The following CDYL variants were observed in gnomAD, a reference collection of about 807,000 sequenced individuals.
The protein encoded by CDYL is chromodomain Y like.
In CDYL, 8 loss-of-function variants were observed where a neutral mutation model predicts 47.3. The observed-to-expected ratio is 0.17, with a 90% CI of 0.10 to 0.31. The LOEUF (loss-of-function observed/expected upper bound fraction) is 0.31. CDYL is among the 10% of genes least tolerant of loss of function. The pLI, the probability that CDYL is intolerant of heterozygous loss-of-function variation, is 1.00. For missense variants in CDYL, 471 were observed against 701.4 expected (o/e 0.67, Z 3.71); for synonymous variants, 266 against 265.0 (o/e 1.00, Z -0.04).
intron 1 of CDYL, among the ~76,000 whole-genome samples, chr6:4,851,073 TTGGG>T (rs1015161132): frequency 1.3e-5 from 2 of 152,154 alleles, no homozygotes; most frequent in Non-Finnish European, 2.9e-5. Context: ...GGGCGCTCAC[TTGGG>T]TGGGCATAGT....
At chr6:4,926,329 A>C (rs967647759) in intron 2 of CDYL, among the ~76,000 whole-genome samples, 27 of 152,178 alleles carry the variant, frequency 1.8e-4, no homozygotes, top group African/African-American at 6.5e-4. Context: ...AAATAACAAT[A>C]TTTTGAAATA....
At chr6:4,890,922 A>G (rs566790409) in intron 1 of CDYL, among the ~76,000 whole-genome samples, 5 of 152,226 alleles carry the variant, frequency 3.3e-5, no homozygotes, top group Non-Finnish European at 5.9e-5. Flanking sequence ...ACTGTGTCAC[A>G]TAACTCTCGT....
chr6:4,890,648 G>A (rs918311525), intron 1 of CDYL, among the ~76,000 whole-genome samples: 8 of 152,180 alleles, frequency 5.3e-5, no homozygotes, highest in African/African-American at 1.9e-4. Flanking sequence ...TACTCATTAG[G>A]CTCGAGTATT....
chr6:4,747,132 C>T (rs1306711186), intron 3 of CDYL, among the ~76,000 whole-genome samples: 4 of 151,978 alleles, frequency 2.6e-5, no homozygotes, highest in African/African-American at 7.3e-5. Context: ...CATGGTGAAA[C>T]CCTGTCTCTA....
chr6:4,805,355 C>T (rs1041844865), intron 1 of CDYL, among the ~76,000 whole-genome samples: 1 of 152,160 alleles, frequency 6.6e-6, no homozygotes, highest in Non-Finnish European at 1.5e-5. Flanking sequence ...AATGTTAGAA[C>T]TCGAATCAGG....
chr6:4,835,135 A>C (rs1353733471), intron 1 of CDYL, among the ~76,000 whole-genome samples: 1 of 152,096 alleles, frequency 6.6e-6, no homozygotes, highest in Admixed American at 6.5e-5. Context: ...CCTTTGGAGG[A>C]GGAGAGGTGC....
intron 6 of CDYL, among the ~76,000 whole-genome samples, chr6:4,952,944 T>C (rs1758753406): frequency 1.3e-5 from 2 of 151,986 alleles, no homozygotes; most frequent in Admixed American, 1.3e-4. Context: ...ATTTTTGTAT[T>C]TTCAGTAGAC....
At chr6:4,837,361 TA>T (rs1165280822) in intron 1 of CDYL, among the ~76,000 whole-genome samples, 1 of 152,226 alleles carries the variant, frequency 6.6e-6, no homozygotes, top group Admixed American at 6.5e-5. Context: ...GTAGTTTTAT[TA>T]AAAAAATTTT....
chr6:4,926,016 C>T (rs1384544708), intron 2 of CDYL, among the ~76,000 whole-genome samples: 2 of 152,072 alleles, frequency 1.3e-5, no homozygotes, highest in Non-Finnish European at 2.9e-5. Flanking sequence ...AGCCTATCTC[C>T]CTGCTAAATC....
chr6:4,788,100 A>C (rs1758806422), intron 1 of CDYL, among the ~76,000 whole-genome samples: 1 of 151,750 alleles, frequency 6.6e-6, no homozygotes, highest in Non-Finnish European at 1.5e-5. Flanking sequence ...TCATAATTCC[A>C]CTGAAAGGAA....
chr6:4,819,154 C>CTGTGTGTGTG (rs1481715959), intron 1 of CDYL, among the ~76,000 whole-genome samples: 1 of 137,610 alleles, frequency 7.3e-6, no homozygotes, highest in African/African-American at 3.2e-5. Flanking sequence ...CTCTCTCTCT[C>CTGTGTGTGTG]TCTCTCTCTG....
At chr6:4,814,408 A>G (rs1462038847) in intron 1 of CDYL, among the ~76,000 whole-genome samples, 1 of 152,232 alleles carries the variant, frequency 6.6e-6, no homozygotes, top group Middle Eastern at 3.2e-3. Flanking sequence ...GAGCATATGC[A>G]GAGTCAACCT....
chr6:4,933,400 C>A (rs557307462), intron 2 of CDYL, among the ~76,000 whole-genome samples: 11 of 152,340 alleles, frequency 7.2e-5, no homozygotes, highest in South Asian at 2.1e-4. Context: ...TCCGCTCCCC[C>A]AGGCTCACAT....
intron 2 of CDYL, among the ~76,000 whole-genome samples, chr6:4,719,451 G>T (rs1757330377): frequency 6.6e-6 from 1 of 150,940 alleles, no homozygotes; most frequent in Non-Finnish European, 1.5e-5. Context: ...CTCATCATGT[G>T]GTACCTCTTT....
At chr6:4,747,306 C>CA (rs11481080) in intron 3 of CDYL, among the ~76,000 whole-genome samples, 116,405 of 132,986 alleles carry the variant, frequency 0.88, 50,860 homozygotes, top group East Asian at 0.96. Context: ...GACTTCATCT[C>CA]AAAAAAAAAA....
At chr6:4,905,608 A>G (rs565266110) in intron 2 of CDYL, among the ~76,000 whole-genome samples, 2 of 152,288 alleles carry the variant, frequency 1.3e-5, no homozygotes, top group South Asian at 2.1e-4. Flanking sequence ...TGAGAATTAC[A>G]CCAGTGAAGC....
chr6:4,904,015 G>A lies in CDYL; in HGVS notation c.691+11636G>A, dbSNP rs371609254. 5.7e-4 allele frequency among the ~76,000 whole-genome samples: 87 copies of A among 152,264 alleles called. 1 individual carries two copies. In the South Asian group the frequency reaches 0.017, roughly 29 times the overall value. On this transcript the variant is annotated intron_variant, in intron 2 of 6. Transcript: ENST00000397588. ...CAGGAGCTCAGAGCCTGGCAGAATG[G>A]ATATTCAAGAAAGAGCCCTCGTTTC... is the stretch of plus-strand genomic sequence containing the variant.
chr6:4,787,677 C>G (rs928599671), intron 1 of CDYL, among the ~76,000 whole-genome samples: 12 of 151,962 alleles, frequency 7.9e-5, no homozygotes, highest in Admixed American at 7.9e-4. Context: ...AACGCTGCCC[C>G]CTCACCTTTG....
upstream of CDYL, chr6:4,773,228 A>G (rs1166592889): frequency 6.6e-6 from 3 of 457,058 alleles, no homozygotes; most frequent in African/African-American, 2.0e-5. This position sits in a 1 kb window ranked among gnomAD's most constrained non-coding sequence, Gnocchi z 4.6. Context: ...ATGTGTGTAT[A>G]TCGTCTCTCT....
Sources: allele counts gnomAD v4.1 joint callset (sites outside exome capture counted in the v4.1 genomes callset), GRCh38; gene constraint gnomAD v4.1.1; non-coding constraint Gnocchi (gnomAD v3.1); transcripts MANE v1.5; gene names NCBI Gene and HGNC (gene_info 2026-07-23, HGNC 2026-07-21).